Variants in CCDC146 observed in about 807,000 individuals in gnomAD.
CCDC146 encodes the protein coiled-coil domain-containing protein 146.
CCDC146 carries 92 observed loss-of-function variants against 119.3 expected under a neutral mutation model. That is an observed-to-expected ratio of 0.77 (90% confidence interval 0.65 to 0.92). CCDC146 has a LOEUF of 0.92. CCDC146 is among the 40% of genes least tolerant of loss of function. The pLI is 0.00. For missense variants in CCDC146, 1,000 were observed against 1,103.0 expected, an observed-to-expected ratio of 0.91 and a Z score of 1.32; for synonymous variants, 372 against 371.8, an observed-to-expected ratio of 1.00 and a Z score of -0.01.
intron 2 of CCDC146, chr7:77,193,865 A>G (rs537405552): frequency 7.2e-5 from 11 of 152,706 alleles, no homozygotes; most frequent in African/African-American, 2.6e-4. Context: ...CAGTCAATCC[A>G]TATTTATGAA....
chr7:77,236,068 C>CATAAATAAATAAATAA (rs141909777), intron 2 of CCDC146, among the ~76,000 whole-genome samples: 88,049 of 147,120 alleles, frequency 0.6, 30,328 homozygotes, highest in Non-Finnish European at 0.78. Flanking sequence ...GAGACTCCGT[C>CATAAATAAATAAATAA]ATAAATAAAT....
intron 1 of CCDC146, among the ~76,000 whole-genome samples, chr7:77,166,071 C>T (rs1791333812): frequency 6.6e-6 from 1 of 152,088 alleles, no homozygotes. Context: ...TGTAATTGAA[C>T]ATACAACAAT....
chr7:77,282,562 T>C lies in CCDC146; in HGVS notation c.1925T>C (p.Val642Ala), dbSNP rs367681056. 9.8e-5 allele frequency: 157 copies of C among 1,601,938 alleles called. No individual in the cohort carries two copies. The highest frequency in any genetic ancestry group is 1.3e-4 in the Non-Finnish European group (151 of 1,173,642). ...KAVQHRNESGVQLIEREEEIC... is the reference protein window; with the variant it reads ...KAVQHRNESGAQLIEREEEIC... ...GCCTCTGAATTTGACCATAGTGGCG[T>C]TCAGCTGATAGAGCGGGAAGAAGAA... Residue 642 changes from valine (V) to alanine (A), a missense_variant, in exon 15 of 19, where the codon GTT becomes GCT. Around this residue, in one of 2 missense-constraint regions of CCDC146, gnomAD observed 985 missense variants for 1,045.3 expected, o/e 0.94. Transcript: ENST00000285871.
intron 17 of CCDC146, among the ~76,000 whole-genome samples, chr7:77,292,209 GC>G (rs1321778974): frequency 6.6e-5 from 10 of 151,956 alleles, no homozygotes; most frequent in Non-Finnish European, 1.5e-4. Context: ...CAGGAGAATT[GC>G]TTGAGCCCCG....
intron 13 of CCDC146, 24 bp from the exon 14 acceptor site, chr7:77,280,405 C>A: frequency 6.5e-7 from 1 of 1,540,680 alleles, no homozygotes; most frequent in South Asian, 1.2e-5. Context: ...TATAATCTTA[C>A]CCATTGTCTT....
chr7:77,190,305 A>AG (rs1791739448), intron 2 of CCDC146, among the ~76,000 whole-genome samples: 1 of 152,248 alleles, frequency 6.6e-6, no homozygotes. Flanking sequence ...TACCTATACC[A>AG]GTAAATTCAG....
chr7:77,210,687 T>C (rs2868693), intron 2 of CCDC146, among the ~76,000 whole-genome samples: 17,333 of 152,158 alleles, frequency 0.11, 2,662 homozygotes, highest in African/African-American at 0.35. Flanking sequence ...TACCTGAGAC[T>C]GGGTAATTTA....
rs769830641 is a variant in CCDC146 at position 77,256,351 on chromosome 7, A to G, written c.526A>G (p.Lys176Glu). 1.3e-6 allele frequency: 2 copies of G among 1,593,282 alleles called. No homozygotes were observed. The highest frequency in any genetic ancestry group is 1.9e-5 in the Admixed American group (1 of 53,968). Residue 176 changes from lysine to glutamate, a missense_variant, in exon 6 of 19, where the codon AAA becomes GAA. Physicochemically the swap from Lys to Glu is moderately conservative, Grantham distance 56. Coordinates refer to ENST00000285871, the MANE Select transcript of CCDC146 (RefSeq NM_020879.3). ...TTTAAAGGAAATGGAGAAGAAGATGAAAATATTGAGAGAAAGCACTGAAGA... is the reference window on the plus strand; with the variant it reads ...TTTAAAGGAAATGGAGAAGAAGATGGAAATATTGAGAGAAAGCACTGAAGA... ...TKPGEMEKKM[K>E]ILRESTEELR...
At chr7:77,266,415 T>A (rs1337383268) in intron 9 of CCDC146, among the ~76,000 whole-genome samples, 5 of 152,172 alleles carry the variant, frequency 3.3e-5, no homozygotes, top group Non-Finnish European at 1.5e-5. Flanking sequence ...AGGTTCAGAT[T>A]CTAGATCCAT....
intron 7 of CCDC146, 70 bp from the exon 8 acceptor site, chr7:77,259,939 A>T (rs372074858): frequency 5.3e-6 from 4 of 755,836 alleles, no homozygotes; most frequent in African/African-American, 4.0e-5. Context: ...AAATAAGGCA[A>T]GTGTGTGTGT....
In CCDC146 at chr7:77,260,244, A is replaced by G; in HGVS notation, c.986+8A>G. The G allele has an allele frequency of 1.3e-6, 2 of 1,587,812 alleles. No homozygotes were observed. The highest frequency in any genetic ancestry group is 1.7e-5 in the Admixed American group (1 of 57,990). On this transcript the variant is annotated splice_region_variant and intron_variant, in intron 8 of 18. Transcript: ENST00000285871. The stretch of plus-strand genomic sequence containing the variant: ...AACTTCATTAACTGAAAGGTTAGTT[A>G]TATTTATGTATGTTATGTTCTGTCA...
At chr7:77,162,201 A>G (rs1246507024) in intron 1 of CCDC146, among the ~76,000 whole-genome samples, 1 of 152,026 alleles carries the variant, frequency 6.6e-6, no homozygotes, top group Non-Finnish European at 1.5e-5. Flanking sequence ...TTTTGGTGTC[A>G]TATCCAAAAT....
At chr7:77,144,126 C>T (rs576529602) in intron 1 of CCDC146, among the ~76,000 whole-genome samples, 1 of 151,650 alleles carries the variant, frequency 6.6e-6, no homozygotes, top group South Asian at 2.1e-4. Flanking sequence ...TGAAGAGGTC[C>T]TTCACATCCC....
intron 1 of CCDC146, among the ~76,000 whole-genome samples, chr7:77,139,403 G>A (rs1433139528): frequency 3.9e-5 from 6 of 152,202 alleles, no homozygotes; most frequent in Non-Finnish European, 8.8e-5. Flanking sequence ...GGATTTTTAG[G>A]GCAGTGAAAA....
At chr7:77,130,593 CTTTCT>C (rs1790767394) in intron 1 of CCDC146, among the ~76,000 whole-genome samples, 2 of 138,578 alleles carry the variant, frequency 1.4e-5, no homozygotes, top group African/African-American at 5.7e-5. Flanking sequence ...AATATCCTTT[CTTTCT>C]TTTTTTTTTT....
At chr7:77,130,744 G>A (rs1275281103) in intron 1 of CCDC146, among the ~76,000 whole-genome samples, 18 of 149,528 alleles carry the variant, frequency 1.2e-4, no homozygotes, top group African/African-American at 4.0e-4. Context: ...GACTACAGGC[G>A]CGCGCCACCA....
chr7:77,287,822 C>G (rs1793876134), intron 17 of CCDC146, among the ~76,000 whole-genome samples: 1 of 152,182 alleles, frequency 6.6e-6, no homozygotes, highest in Admixed American at 6.5e-5. Flanking sequence ...GTTTCACTTA[C>G]CAAGGCAACT....
chr7:77,246,142 T>A (rs2150495038), intron 4 of CCDC146, among the ~76,000 whole-genome samples: 1 of 152,192 alleles, frequency 6.6e-6, no homozygotes, highest in Middle Eastern at 3.4e-3. Context: ...CCCTGACTGG[T>A]CAGTCACCAG....
At chr7:77,200,064 G>C (rs1454236833) in intron 2 of CCDC146, among the ~76,000 whole-genome samples, 1 of 152,194 alleles carries the variant, frequency 6.6e-6, no homozygotes, top group African/African-American at 2.4e-5. Context: ...TGTATTTTAT[G>C]AAGTATAAGA....
Sources: allele counts gnomAD v4.1 joint callset (sites outside exome capture counted in the v4.1 genomes callset), GRCh38; gene constraint gnomAD v4.1.1; regional missense constraint gnomAD v4.1.1; transcripts MANE v1.5; gene names NCBI Gene and HGNC (gene_info 2026-07-23, HGNC 2026-07-21).